SNX18: variants seen among roughly 807,000 people sequenced by gnomAD.
SNX18 encodes sorting nexin-18.
SNX18 carries 35 observed loss-of-function variants against 48.7 expected under a neutral mutation model. The ratio of observed to expected loss-of-function variants is 0.72; its 90% confidence interval spans 0.55 to 0.95. The LOEUF is 0.95. SNX18 is among the 40% of genes least tolerant of loss of function. SNX18 has a pLI of 0.00. For missense variants in SNX18, 824 were observed against 871.0 expected (o/e 0.95, Z 0.68); for synonymous variants, 492 against 384.7 (o/e 1.28, Z -3.26).
the SNX18 span, among the ~76,000 whole-genome samples, chr5:54,608,766 A>T: frequency 2.0e-5 from 3 of 151,974 alleles, no homozygotes; most frequent in African/African-American, 7.3e-5. Flanking sequence ...AGTGTGCATC[A>T]CTTTATTTTC....
chr5:54,581,839 C>T, the SNX18 span, among the ~76,000 whole-genome samples: 1 of 152,252 alleles, frequency 6.6e-6, no homozygotes, highest in Admixed American at 6.5e-5. Flanking sequence ...ATGTAGCAAG[C>T]AAAACATCTG....
At chr5:54,594,480 C>T in the SNX18 span, among the ~76,000 whole-genome samples, 1 of 152,134 alleles carries the variant, frequency 6.6e-6, no homozygotes, top group South Asian at 2.1e-4. Context: ...TTTTTGGAGT[C>T]TTCTCACTGT....
the SNX18 span, among the ~76,000 whole-genome samples, chr5:54,640,430 C>G: frequency 5.3e-5 from 8 of 151,978 alleles, no homozygotes; most frequent in African/African-American, 1.9e-4. Context: ...TGCCATGTTG[C>G]CCAGGCTAGC....
chr5:54,622,985 A>G, the SNX18 span, among the ~76,000 whole-genome samples: 1 of 152,244 alleles, frequency 6.6e-6, no homozygotes, highest in South Asian at 2.1e-4. Flanking sequence ...TACACTCCAT[A>G]GTTAATGCAA....
the SNX18 span, among the ~76,000 whole-genome samples, chr5:54,576,609 T>A: frequency 6.6e-6 from 1 of 152,196 alleles, no homozygotes; most frequent in Non-Finnish European, 1.5e-5. Flanking sequence ...GTTTCTTATG[T>A]GCACCCCTCC....
the SNX18 span, among the ~76,000 whole-genome samples, chr5:54,625,284 C>A: frequency 0.065 from 9,924 of 152,200 alleles, 421 homozygotes; most frequent in East Asian, 0.17. Flanking sequence ...GCGGGTCCGG[C>A]CTTGCTGTAC....
chr5:54,525,601 G>A (rs933735668), intron 1 of SNX18, among the ~76,000 whole-genome samples: 7 of 152,148 alleles, frequency 4.6e-5, no homozygotes, highest in African/African-American at 1.7e-4. Context: ...GGAGTCAATC[G>A]TTTGTTGTTG....
chr5:54,644,297 AGT>A, the SNX18 span: 2 of 152,230 alleles, frequency 1.3e-5, no homozygotes, highest in Non-Finnish European at 2.9e-5. Context: ...AGCTTTAGTC[AGT>A]AAGTACAGTC....
In SNX18 at chr5:54,519,497, G is replaced by GGATCCCGTCATGGACCTA. The variant is rs1196610859; in HGVS notation, c.1546_1563dup (p.Asp516_Leu521dup). 1 of 1,614,100 alleles carries GGATCCCGTCATGGACCTA rather than the reference G, an allele frequency of 6.2e-7. No homozygotes were observed. Among genetic ancestry groups the GGATCCCGTCATGGACCTA allele is most frequent in the Non-Finnish European group, 8.5e-7 (1 of 1,180,048 alleles). ...TCGCGGAGCAGCCCAGGCAGGACCT[G>GGATCCCGTCATGGACCTA]GATCCCGTCATGGACCTATTAGCGC... On this transcript the variant is annotated inframe_insertion, in exon 1 of 2. Coordinates refer to ENST00000381410, the MANE Select transcript of SNX18 (RefSeq NM_001102575.2).
chr5:54,640,440 C>T, the SNX18 span, among the ~76,000 whole-genome samples: 3 of 152,036 alleles, frequency 2.0e-5, no homozygotes, highest in East Asian at 3.9e-4. Context: ...CCCAGGCTAG[C>T]CTTAAACTCC....
At chr5:54,585,799 C>T in the SNX18 span, among the ~76,000 whole-genome samples, 1 of 151,762 alleles carries the variant, frequency 6.6e-6, no homozygotes, top group Non-Finnish European at 1.5e-5. Flanking sequence ...GTCAGGAGAT[C>T]GAGACCATCC....
the SNX18 span, among the ~76,000 whole-genome samples, chr5:54,637,772 C>CT: frequency 0.089 from 13,520 of 152,174 alleles, 686 homozygotes; most frequent in African/African-American, 0.1. Flanking sequence ...TGTGAAATGC[C>CT]TGGGATGGTG....
At chr5:54,567,213 A>G in the SNX18 span, among the ~76,000 whole-genome samples, 6 of 150,330 alleles carry the variant, frequency 4.0e-5, no homozygotes, top group South Asian at 2.1e-4. Flanking sequence ...GTGTGTGTGT[A>G]TGTGTGTGTG....
chr5:54,553,981 C>G, the SNX18 span, among the ~76,000 whole-genome samples: 2 of 152,206 alleles, frequency 1.3e-5, no homozygotes, highest in Non-Finnish European at 2.9e-5. Flanking sequence ...TGGATTCCTT[C>G]CCATGCCCTA....
chr5:54,624,363 G>C, the SNX18 span, among the ~76,000 whole-genome samples: 1 of 152,150 alleles, frequency 6.6e-6, no homozygotes, highest in Admixed American at 6.6e-5. Flanking sequence ...GCAAGCCACA[G>C]TCTCCTTAGT....
At chr5:54,618,286 T>C in the SNX18 span, among the ~76,000 whole-genome samples, 3 of 152,182 alleles carry the variant, frequency 2.0e-5, no homozygotes, top group African/African-American at 7.2e-5. Flanking sequence ...AAACTGTGAG[T>C]CAATTAAACC....
chr5:54,635,397 GT>G, the SNX18 span, among the ~76,000 whole-genome samples: 6 of 152,126 alleles, frequency 3.9e-5, no homozygotes, highest in Non-Finnish European at 8.8e-5. Flanking sequence ...AAGCCACCAA[GT>G]TTCTAAAATA....
In SNX18 at chr5:54,517,838, G is replaced by A; in HGVS notation, c.-115G>A. On this transcript the variant is annotated 5_prime_UTR_variant, in exon 1 of 2. Transcript: ENST00000381410. ...CGGCTGGTCCGGGCAGCGTGGGTTT[G>A]CCGCCTTCGGGGCTCCAGTCCGCGC... The A allele has an allele frequency of 8.6e-7, 1 of 1,168,214 alleles. No homozygotes were observed. The highest frequency in any genetic ancestry group is 2.3e-5 in the South Asian group (1 of 44,278). 72.4% of individuals were successfully genotyped at this position (1,168,214 alleles called of 1,614,324 possible). A position where few individuals can be genotyped will look rare whatever the true frequency, so the allele number is the denominator to read the frequency against.
chr5:54,581,249 A>G, the SNX18 span, among the ~76,000 whole-genome samples: 1 of 152,140 alleles, frequency 6.6e-6, no homozygotes, highest in Non-Finnish European at 1.5e-5. Context: ...ATATAGTTGC[A>G]TGCCAAGTTA....
Sources: allele counts gnomAD v4.1 joint callset (sites outside exome capture counted in the v4.1 genomes callset), GRCh38; gene constraint gnomAD v4.1.1; transcripts MANE v1.5; gene names NCBI Gene and HGNC (gene_info 2026-07-23, HGNC 2026-07-21).